Variants in DHRSX observed in about 807,000 individuals in gnomAD.
The protein encoded by DHRSX is dehydrogenase/reductase X-linked, also known as polyprenol dehydrogenase.
Under a neutral mutation model 34.0 loss-of-function variants are expected in DHRSX, and 31 were observed. That is an observed-to-expected ratio of 0.91 (90% CI 0.69 to 1.23). The LOEUF (loss-of-function observed/expected upper bound fraction) is 1.23. Among genes scored for constraint, DHRSX ranks in the 50% most tolerant of loss-of-function variants. The pLI, the probability that DHRSX is intolerant of heterozygous loss-of-function variation, is 0.00. For missense variants in DHRSX, 414 were observed against 428.1 expected (o/e 0.97, Z 0.29); for synonymous variants, 201 against 183.8 (o/e 1.09, Z -0.76).
intron 1 of DHRSX, chrX:2,489,136 G>C: frequency 6.2e-7 from 1 of 1,613,594 alleles, no homozygotes; most frequent in Non-Finnish European, 8.5e-7. Context: ...GCTTCTTGAC[G>C]GGAGGCTCCT....
At chrX:2,372,785 T>C (rs1351265902) in intron 3 of DHRSX, among the ~76,000 whole-genome samples, 3 of 151,980 alleles carry the variant, frequency 2.0e-5, no homozygotes, top group Admixed American at 2.0e-4. Context: ...ATTTTTTGTA[T>C]TTTTAGTAGA....
At chrX:2,494,368 C>A (rs2045231070) in intron 1 of DHRSX, among the ~76,000 whole-genome samples, 2 of 151,580 alleles carry the variant, frequency 1.3e-5, no homozygotes, top group South Asian at 4.2e-4. Context: ...GGTTCTAGAA[C>A]CTGGAGCAAA....
In DHRSX at chrX:2,381,797, C is replaced by CAAAAAA. The variant is rs767319246; in HGVS notation, c.286+26942_286+26947dup. ...ATCCCCGTTCTCAGGAAGCCACAAC[C>CAAAAAA]AAAAAAAAAAAAAAAAAAAAAAAGC... On this transcript the variant is annotated intron_variant, in intron 3 of 6. Coordinates refer to ENST00000334651, the MANE Select transcript of DHRSX (RefSeq NM_145177.3). Among the ~76,000 whole-genome samples the CAAAAAA allele has an allele frequency of 7.6e-4, 62 of 81,564 alleles. 2 individuals carry two copies. The highest frequency in any genetic ancestry group is 8.5e-3 in the Middle Eastern group (1 of 118). 53.5% of individuals were successfully genotyped at this position (81,564 alleles called of 152,430 possible).
intron 3 of DHRSX, among the ~76,000 whole-genome samples, chrX:2,364,648 TTATC>T (rs1437460100): frequency 1.3e-5 from 2 of 152,188 alleles, no homozygotes; most frequent in African/African-American, 2.4e-5. Context: ...CTACCATCAT[TTATC>T]TATTTACCAT....
Position 2,248,229 on chromosome X carries a change from C to T in DHRSX, c.597-4999G>A, listed in dbSNP as rs745525316. Reference sequence around the variant, plus strand: ...TGGGCAGACCACAAGGTCAGGAGATCGAGACTATCTTGGCTAATACGGTGA... The same window carrying T: ...TGGGCAGACCACAAGGTCAGGAGATTGAGACTATCTTGGCTAATACGGTGA... On this transcript the variant is annotated intron_variant, in intron 5 of 6. Coordinates refer to ENST00000334651, the MANE Select transcript of DHRSX (RefSeq NM_145177.3). Among the ~76,000 whole-genome samples the T allele has an allele frequency of 3.3e-5, 5 of 152,048 alleles. No homozygotes were observed. The East Asian group carries it at 7.7e-4, about 24-fold the overall frequency.
At chrX:2,309,407 AG>A (rs1569486522) in intron 3 of DHRSX, among the ~76,000 whole-genome samples, 1 of 152,192 alleles carries the variant, frequency 6.6e-6, no homozygotes, top group Non-Finnish European at 1.5e-5. Flanking sequence ...TATATACAGA[AG>A]AAAAAAATCA....
At chrX:2,380,300 CAAAAAAAAA>C (rs60910908) in intron 3 of DHRSX, among the ~76,000 whole-genome samples, 172 of 41,612 alleles carry the variant, frequency 4.1e-3, no homozygotes, top group African/African-American at 0.013. Flanking sequence ...GACTCCGTCT[CAAAAAAAAA>C]AAAAAAAAAA....
intron 6 of DHRSX, among the ~76,000 whole-genome samples, chrX:2,224,127 T>G (rs1337478486): frequency 2.6e-5 from 4 of 152,236 alleles, no homozygotes; most frequent in Non-Finnish European, 4.4e-5. Context: ...ACAAGTTTTG[T>G]GTTGTTGTCT....
chrX:2,252,425 CAGAT>C (rs991318706), intron 5 of DHRSX, among the ~76,000 whole-genome samples: 3 of 152,140 alleles, frequency 2.0e-5, no homozygotes, highest in Admixed American at 6.6e-5. Context: ...GTCCAGGAAA[CAGAT>C]AGTTACTAAG....
At chrX:2,367,162 G>A (rs989988490) in intron 3 of DHRSX, among the ~76,000 whole-genome samples, 3 of 152,056 alleles carry the variant, frequency 2.0e-5, no homozygotes, top group Admixed American at 6.6e-5. Flanking sequence ...GATGCTAGCC[G>A]GGCGCAGTGG....
intron 1 of DHRSX, among the ~76,000 whole-genome samples, chrX:2,467,202 G>A (rs888702154): frequency 9.2e-5 from 14 of 152,008 alleles, no homozygotes; most frequent in Non-Finnish European, 1.8e-4. Flanking sequence ...ACTTCACGAC[G>A]CCAACTTGAG....
At chrX:2,364,660 C>A (rs1330700718) in intron 3 of DHRSX, among the ~76,000 whole-genome samples, 1 of 152,074 alleles carries the variant, frequency 6.6e-6, no homozygotes, top group African/African-American at 2.4e-5. Context: ...ATCTATTTAC[C>A]ATTTATCATC....
At chrX:2,304,241 A>G in intron 3 of DHRSX, among the ~76,000 whole-genome samples, 4 of 70,554 alleles carry the variant, frequency 5.7e-5, no homozygotes. Context: ...GGATGGATGG[A>G]TAAATGGATG....
intron 3 of DHRSX, among the ~76,000 whole-genome samples, chrX:2,322,065 C>T (rs2042318150): frequency 6.6e-6 from 1 of 151,656 alleles, no homozygotes; most frequent in African/African-American, 2.4e-5. Context: ...TTTGGTACAC[C>T]CATCACCCGA....
chrX:2,362,211 T>C, intron 3 of DHRSX, among the ~76,000 whole-genome samples: 1 of 152,164 alleles, frequency 6.6e-6, no homozygotes, highest in Non-Finnish European at 1.5e-5. Flanking sequence ...TTCAGGGCCT[T>C]AGATGGTTTG....
At chrX:2,298,008 G>A (rs1022729170) in intron 3 of DHRSX, among the ~76,000 whole-genome samples, 81 of 152,166 alleles carry the variant, frequency 5.3e-4, no homozygotes, top group Non-Finnish European at 8.8e-4. Context: ...TGCCCGCCTC[G>A]GCCTCCCAAA....
intron 6 of DHRSX, among the ~76,000 whole-genome samples, chrX:2,225,318 A>T (rs749988416): frequency 6.8e-6 from 1 of 146,166 alleles, no homozygotes; most frequent in African/African-American, 2.8e-5. Flanking sequence ...ATGCACACAT[A>T]CACATGCACG....
intron 5 of DHRSX, among the ~76,000 whole-genome samples, chrX:2,259,227 C>T (rs1235342302): frequency 1.3e-5 from 2 of 150,942 alleles, no homozygotes; most frequent in African/African-American, 4.9e-5. Flanking sequence ...GAGCCGAGAT[C>T]GCACCACTGC....
intron 3 of DHRSX, among the ~76,000 whole-genome samples, chrX:2,336,013 G>T (rs1417614169): frequency 6.6e-6 from 1 of 151,732 alleles, no homozygotes; most frequent in African/African-American, 2.4e-5. Context: ...TTTTGTTTTT[G>T]TTTTTTTGTT....
Sources: gnomAD v4.1 joint callset for allele counts (sites outside exome capture counted in the v4.1 genomes callset) on GRCh38, gnomAD v4.1.1 for gene constraint, MANE v1.5 for transcripts, NCBI Gene and HGNC (gene_info 2026-07-23, HGNC 2026-07-21) for gene names.